The following TRIM14 variants were observed in gnomAD, a reference collection of about 807,000 sequenced individuals.
TRIM14 encodes the protein tripartite motif-containing protein 14.
A neutral mutation model predicts 44.5 loss-of-function variants in TRIM14; 28 were observed. The ratio of observed to expected loss-of-function variants is 0.63; its 90% CI spans 0.47 to 0.86. The LOEUF is 0.86. Among genes scored for constraint, TRIM14 ranks in the 40% least tolerant of loss-of-function variants. The pLI, the probability that TRIM14 is intolerant of heterozygous loss-of-function variation, is 0.00. For synonymous variants in TRIM14, 299 were observed against 269.2 expected (o/e 1.11, Z -1.08); for missense variants, 607 against 611.1 (o/e 0.99, Z 0.07).
chr9:98,075,584 G>A (rs769748060), intron 6 of TRIM14: 1 of 152,176 alleles, frequency 6.6e-6, no homozygotes, highest in Non-Finnish European at 1.5e-5. Flanking sequence ...TTCCCTGGGA[G>A]AGGGAAAGAT....
downstream of TRIM14, chr9:98,084,253 G>A (rs1323303903): frequency 2.0e-5 from 3 of 152,094 alleles, no homozygotes; most frequent in Admixed American, 6.6e-5. Flanking sequence ...AAGGTTCCCA[G>A]GCTGCGGATG....
chr9:98,050,339 C>T, the TRIM14 span, among the ~76,000 whole-genome samples: 1 of 152,180 alleles, frequency 6.6e-6, no homozygotes, highest in African/African-American at 2.4e-5. Flanking sequence ...TTCATGTCAC[C>T]ATCCCAGCAT....
chr9:98,078,043 CCT>C (rs1829668757), intron 6 of TRIM14: 1 of 1,172,348 alleles, frequency 8.5e-7, no homozygotes, highest in Non-Finnish European at 1.2e-6. Context: ...CCAACAAGCT[CCT>C]CTCTGTTCCC....
intron 5 of TRIM14, among the ~76,000 whole-genome samples, chr9:98,090,779 G>A (rs550571107): frequency 1.3e-5 from 2 of 152,262 alleles, no homozygotes; most frequent in African/African-American, 4.8e-5. Flanking sequence ...GTGCAGGCTG[G>A]TCTCGAACTG....
At chr9:98,088,178 G>C (rs1825866714) in intron 5 of TRIM14, among the ~76,000 whole-genome samples, 173 bp from the exon 6 acceptor site, 1 of 152,178 alleles carries the variant, frequency 6.6e-6, no homozygotes, top group South Asian at 2.1e-4. Context: ...GGGTCTTGGG[G>C]AAAGGGGAAG....
intron 1 of TRIM14, among the ~76,000 whole-genome samples, chr9:98,113,715 G>A (rs1826945082): frequency 6.6e-6 from 1 of 152,136 alleles, no homozygotes; most frequent in African/African-American, 2.4e-5. Context: ...AATAAGAGAC[G>A]GTAAAAGATG....
chr9:98,043,060 C>G, the TRIM14 span, among the ~76,000 whole-genome samples: 1 of 151,984 alleles, frequency 6.6e-6, no homozygotes, highest in Non-Finnish European at 1.5e-5. Flanking sequence ...TTAGGCATGC[C>G]AATAGAAGTA....
intron 6 of TRIM14, among the ~76,000 whole-genome samples, chr9:98,074,073 A>G (rs978974818): frequency 6.6e-6 from 1 of 152,214 alleles, no homozygotes; most frequent in African/African-American, 2.4e-5. Flanking sequence ...GGCATGGGCT[A>G]CCATGCCTGG....
At chr9:98,092,294 A>G (rs143304607) in intron 4 of TRIM14, among the ~76,000 whole-genome samples, 11 of 152,324 alleles carry the variant, frequency 7.2e-5, no homozygotes, top group African/African-American at 2.6e-4. Flanking sequence ...ATGGAAAACA[A>G]GAAAGTAGAG....
chr9:98,099,687 C>T (rs1826317181), intron 3 of TRIM14, among the ~76,000 whole-genome samples: 1 of 152,146 alleles, frequency 6.6e-6, no homozygotes, highest in South Asian at 2.1e-4. Flanking sequence ...ACACAGTGCT[C>T]AGGACACAGG....
the TRIM14 span, among the ~76,000 whole-genome samples, chr9:98,052,344 GA>G: frequency 0.26 from 38,076 of 143,786 alleles, 5,078 homozygotes; most frequent in Admixed American, 0.31. Context: ...TGACTGAAAA[GA>G]AAAAAAAAAA....
At chr9:98,117,081 G>A (rs1338574368) in intron 1 of TRIM14, among the ~76,000 whole-genome samples, 2 of 151,926 alleles carry the variant, frequency 1.3e-5, no homozygotes, top group Non-Finnish European at 1.5e-5. Flanking sequence ...CCTGGCCATT[G>A]TTTTTTAGTT....
downstream of TRIM14, among the ~76,000 whole-genome samples, chr9:98,068,365 C>A (rs575898681): frequency 1.5e-4 from 23 of 152,176 alleles, no homozygotes; most frequent in Non-Finnish European, 2.4e-4. Flanking sequence ...GTCTCGAACT[C>A]CTGATCTCAA....
chr9:98,071,322 G>C (rs1165040119), intron 6 of TRIM14, among the ~76,000 whole-genome samples: 3 of 152,206 alleles, frequency 2.0e-5, no homozygotes, highest in Admixed American at 6.5e-5. Flanking sequence ...CCATACCCGG[G>C]CTATATGGCC....
At chr9:98,049,511 CT>C in the TRIM14 span, among the ~76,000 whole-genome samples, 6 of 152,026 alleles carry the variant, frequency 3.9e-5, no homozygotes, top group African/African-American at 1.5e-4. Flanking sequence ...ACTGAGAGTT[CT>C]TCCCCCTTTT....
At chr9:98,089,062 G>A (rs942424240) in intron 5 of TRIM14, among the ~76,000 whole-genome samples, 3 of 152,150 alleles carry the variant, frequency 2.0e-5, no homozygotes, top group Admixed American at 6.5e-5. Context: ...AACTGTAAAC[G>A]TGTAACAGAG....
At position 98,087,888 on chromosome 9, in the gene TRIM14, C is replaced by G. The variant is rs1825847528; in HGVS notation, c.911G>C (p.Arg304Pro). 1.3e-6 allele frequency: 2 copies of G among 1,569,454 alleles called. No individual in the cohort carries two copies. The highest frequency in any genetic ancestry group is 1.7e-6 in the Non-Finnish European group (2 of 1,167,940). ...CAGCACTTGCCAGAGCGCGTCGAAC[C>G]GCAGCACGGGCACGGGCCCCAGGCT... ...LGSLGPVPVL[R>P]FDALWQVLAR... is the part of the protein sequence containing the mutation. The change falls in exon 6 of 6, where the codon CGG (arginine) becomes CCG (proline). Residue 304 changes from arginine to proline, a missense_variant. By Grantham distance (103) the Arg-to-Pro change is moderately radical. This residue lies in a region of TRIM14 where 356 missense variants were observed against 323.0 expected (regional missense o/e 1.10). Coordinates refer to ENST00000341469, the MANE Select transcript of TRIM14 (RefSeq NM_014788.4).
chr9:98,052,848 C>G, the TRIM14 span, among the ~76,000 whole-genome samples: 2 of 152,200 alleles, frequency 1.3e-5, no homozygotes, highest in African/African-American at 4.8e-5. Context: ...GCCAATATTT[C>G]TGGCTTTTGA....
the TRIM14 span, among the ~76,000 whole-genome samples, chr9:98,064,242 A>G: frequency 6.6e-6 from 1 of 152,126 alleles, no homozygotes; most frequent in South Asian, 2.1e-4. Flanking sequence ...TGTGTACTTA[A>G]CAATCCTAAT....
Sources: gnomAD v4.1 joint callset for allele counts (sites outside exome capture counted in the v4.1 genomes callset) on GRCh38, gnomAD v4.1.1 for gene constraint, gnomAD v4.1.1 regional missense constraint, MANE v1.5 for transcripts, NCBI Gene and HGNC (gene_info 2026-07-23, HGNC 2026-07-21) for gene names.